PAX5: variants seen among roughly 807,000 people sequenced by gnomAD.
The protein encoded by PAX5 is paired box protein Pax-5.
In PAX5, 9 loss-of-function variants were observed where a neutral mutation model predicts 43.7. The ratio of observed to expected loss-of-function variants is 0.21; its 90% confidence interval spans 0.12 to 0.36. PAX5 has a LOEUF of 0.36. PAX5 is among the 10% of genes least tolerant of loss of function. The probability of loss-of-function intolerance (pLI) is 1.00; values close to 1 mark genes in which losing one functional copy is unlikely to be tolerated. For missense variants in PAX5, 383 were observed against 532.7 expected (o/e 0.72, Z 2.77); for synonymous variants, 228 against 214.3 (o/e 1.06, Z -0.56).
At chr9:37,021,112 T>C (rs1243476047) in intron 1 of PAX5, among the ~76,000 whole-genome samples, 9 of 152,178 alleles carry the variant, frequency 5.9e-5, no homozygotes, top group Non-Finnish European at 4.4e-5. Flanking sequence ...GTAAACGAAA[T>C]GGGCACAACT....
At chr9:37,019,227 T>C (rs958771932) in intron 2 of PAX5, among the ~76,000 whole-genome samples, 6 of 152,218 alleles carry the variant, frequency 3.9e-5, no homozygotes, top group Non-Finnish European at 8.8e-5. Flanking sequence ...TTTCTCTTTT[T>C]CTTTTCTCTA....
chr9:36,858,063 G>A (rs553301112), intron 8 of PAX5, among the ~76,000 whole-genome samples: 1 of 152,350 alleles, frequency 6.6e-6, no homozygotes, highest in East Asian at 1.9e-4. Context: ...CAGCCTCGAA[G>A]AAGTCTCCTG....
At chr9:36,963,768 C>T (rs916589953) in intron 6 of PAX5, among the ~76,000 whole-genome samples, 2 of 152,150 alleles carry the variant, frequency 1.3e-5, no homozygotes, top group African/African-American at 2.4e-5. Context: ...GAGTCTCACA[C>T]GGAGTGTCTG....
At chr9:36,930,839 G>C (rs1374523171) in intron 6 of PAX5, 1 of 1,305,324 alleles carries the variant, frequency 7.7e-7, no homozygotes, top group African/African-American at 1.5e-5. Flanking sequence ...GGAGGCACGT[G>C]CCCCAGGAGA....
chr9:36,839,784 A>G lies in PAX5; in HGVS notation c.*776T>C. The stretch of plus-strand genomic sequence containing the variant: ...GAAAAGTAGCTGAGGAATCTCCCAG[A>G]CAGTTTTCTTTGAGTTCTTTGATCT... On this transcript the variant is annotated 3_prime_UTR_variant, in exon 10 of 10. Transcript: ENST00000358127. 4.3e-6 allele frequency: 1 copy of G among 233,448 alleles called. No individual in the cohort carries two copies. The highest frequency in any genetic ancestry group is 8.5e-6 in the Non-Finnish European group (1 of 118,158). 14.5% of individuals were successfully genotyped at this position (233,448 alleles called of 1,614,324 possible). A position where few individuals can be genotyped will look rare whatever the true frequency, so the allele number is the denominator to read the frequency against.
At chr9:36,932,445 A>C (rs1334916048) in intron 6 of PAX5, among the ~76,000 whole-genome samples, 1 of 152,264 alleles carries the variant, frequency 6.6e-6, no homozygotes, top group East Asian at 1.9e-4. Flanking sequence ...TACAACATGG[A>C]TGAATCTCAA....
intron 7 of PAX5, among the ~76,000 whole-genome samples, chr9:36,900,749 C>G (rs1202045332): frequency 6.6e-6 from 1 of 152,188 alleles, no homozygotes; most frequent in Non-Finnish European, 1.5e-5. Context: ...AACTGAGTGA[C>G]TCACATCCTC....
chr9:36,869,992 A>G, intron 8 of PAX5, among the ~76,000 whole-genome samples: 1 of 135,242 alleles, frequency 7.4e-6, no homozygotes, highest in Non-Finnish European at 1.6e-5. Context: ...AAATGGATGG[A>G]TGGATGGATG....
chr9:37,027,418 C>T (rs1337392532), intron 1 of PAX5, among the ~76,000 whole-genome samples: 1 of 152,232 alleles, frequency 6.6e-6, no homozygotes, highest in Non-Finnish European at 1.5e-5. Context: ...ACCAACTCTT[C>T]GAGCCCCGCC....
intron 1 of PAX5, among the ~76,000 whole-genome samples, chr9:37,024,554 A>G (rs1840135205): frequency 6.6e-6 from 1 of 152,220 alleles, no homozygotes; most frequent in Non-Finnish European, 1.5e-5. Context: ...ATTGTGCAAG[A>G]AAACAGCTTT....
intron 5 of PAX5, among the ~76,000 whole-genome samples, chr9:37,000,738 A>G (rs1373799903): frequency 6.6e-6 from 1 of 152,164 alleles, no homozygotes; most frequent in Non-Finnish European, 1.5e-5. Flanking sequence ...CTCCCGAGGC[A>G]TCTCCTTTTA....
chr9:36,951,221 G>A (rs542108180), intron 6 of PAX5, among the ~76,000 whole-genome samples: 82 of 152,270 alleles, frequency 5.4e-4, no homozygotes, highest in African/African-American at 1.8e-3. Flanking sequence ...GTCCTTTCAT[G>A]TGTCTATTCT....
intron 6 of PAX5, among the ~76,000 whole-genome samples, chr9:36,956,438 T>C (rs577468193): frequency 6.6e-6 from 1 of 152,306 alleles, no homozygotes; most frequent in East Asian, 1.9e-4. Context: ...CACAGAATGT[T>C]AGAGCTAGAA....
At chr9:37,027,746 C>G (rs1462329833) in intron 1 of PAX5, among the ~76,000 whole-genome samples, 4 of 152,216 alleles carry the variant, frequency 2.6e-5, no homozygotes, top group Non-Finnish European at 5.9e-5. Flanking sequence ...GGGGGCGGGG[C>G]GGGGGCTAAC....
At chr9:36,894,375 C>T (rs1316415795) in intron 7 of PAX5, among the ~76,000 whole-genome samples, 2 of 152,110 alleles carry the variant, frequency 1.3e-5, no homozygotes, top group South Asian at 2.1e-4. Flanking sequence ...AAGATAATGG[C>T]TAAATGAAAA....
intron 5 of PAX5, among the ~76,000 whole-genome samples, chr9:36,977,787 T>C (rs1040753510): frequency 2.0e-5 from 3 of 152,158 alleles, no homozygotes; most frequent in Non-Finnish European, 4.4e-5. Context: ...AACCACCATG[T>C]CCAGCCTTAC....
chr9:37,028,010 C>A (rs1420921617), intron 1 of PAX5, among the ~76,000 whole-genome samples: 1 of 152,222 alleles, frequency 6.6e-6, no homozygotes, highest in Admixed American at 6.5e-5. Flanking sequence ...CGCTGCGGGT[C>A]CCACGCGGGC....
rs542309972 is a variant in PAX5 at position 36,850,288 on chromosome 9, G to C, written c.1013-3359C>G. On this transcript the variant is annotated intron_variant, in intron 8 of 9. Coordinates refer to ENST00000358127, the MANE Select transcript of PAX5 (RefSeq NM_016734.3). ...GTGAGTGCCAGAATCTGGAGGACAG[G>C]CTGGAGGAGGACAGCTTGCAGTCAG... Among the ~76,000 whole-genome samples the C allele has an allele frequency of 1.5e-3, 227 of 152,368 alleles. 1 individual carries two copies. The highest frequency in any genetic ancestry group is 5.4e-3 in the African/African-American group (223 of 41,596).
rs2132397464 is a variant in PAX5 at position 37,002,631 on chromosome 9, G to A, written c.604+17C>T. The A allele has an allele frequency of 6.2e-7, 1 of 1,606,454 alleles. No homozygotes were observed. The highest frequency in any genetic ancestry group is 1.3e-5 in the African/African-American group (1 of 74,704). ...CGTGGAGCGCATCCCCGACGGGGCT[G>A]CGCGGGCCTCTCTTACCTTCGTCTC... On this transcript the variant is annotated intron_variant, in intron 5 of 9. Transcript: ENST00000358127.
Sources: gnomAD v4.1 joint callset for allele counts (sites outside exome capture counted in the v4.1 genomes callset) on GRCh38, gnomAD v4.1.1 for gene constraint, MANE v1.5 for transcripts, NCBI Gene and HGNC (gene_info 2026-07-23, HGNC 2026-07-21) for gene names.